The following MECOM variants were observed in gnomAD, a reference collection of about 807,000 sequenced individuals.
The protein encoded by MECOM is MDS1 and EVI1 complex locus.
MECOM carries 13 observed loss-of-function variants against 116.3 expected under a neutral mutation model. The observed-to-expected ratio is 0.11, with a 90% CI of 0.07 to 0.18. The LOEUF (loss-of-function observed/expected upper bound fraction) is 0.18. Ranked by LOEUF, MECOM falls within the 10% of genes least tolerant of loss-of-function variation. The probability of loss-of-function intolerance (pLI) is 1.00; values close to 1 mark genes in which losing one functional copy is unlikely to be tolerated. For synonymous variants in MECOM, 528 were observed against 535.2 expected (o/e 0.99, Z 0.19); for missense variants, 1,299 against 1,509.0 (o/e 0.86, Z 2.31).
intron 2 of MECOM, among the ~76,000 whole-genome samples, chr3:169,226,688 A>G (rs1485625662): frequency 6.6e-6 from 1 of 152,206 alleles, no homozygotes; most frequent in Admixed American, 6.5e-5. Context: ...TCTTTGTTCA[A>G]GAGATTATAA....
In MECOM at chr3:169,604,950, C is replaced by G. The variant is rs536871139; in HGVS notation, c.37+58386G>C. The stretch of plus-strand genomic sequence containing the variant: ...ATCGCAGCATGAATCCTATTTAAGA[C>G]AGAATGAAATTAGTATCTCTTTCTG... On this transcript the variant is annotated intron_variant, in intron 1 of 16. Coordinates refer to ENST00000651503, the MANE Select transcript of MECOM (RefSeq NM_004991.4). 3.3e-5 allele frequency among the ~76,000 whole-genome samples: 5 copies of G among 152,240 alleles called. No homozygotes were observed. The South Asian group carries it at 1.0e-3, about 32-fold the overall frequency.
At chr3:169,343,065 A>C (rs1026787168) in intron 2 of MECOM, among the ~76,000 whole-genome samples, 1 of 152,164 alleles carries the variant, frequency 6.6e-6, no homozygotes, top group African/African-American at 2.4e-5. Context: ...AACGGGTATG[A>C]AAATGGGCAA....
chr3:169,448,576 T>C (rs933513967), intron 1 of MECOM, among the ~76,000 whole-genome samples: 5 of 152,172 alleles, frequency 3.3e-5, no homozygotes, highest in African/African-American at 1.2e-4. Flanking sequence ...CCACATTATC[T>C]TTAATCAAAT....
chr3:169,115,309 AG>A, intron 8 of MECOM, 73 bp downstream of exon 8: 1 of 1,452,628 alleles, frequency 6.9e-7, no homozygotes, highest in South Asian at 1.4e-5. Context: ...TGTGTTAAAA[AG>A]CCATCACTTT....
chr3:169,266,469 G>T (rs1052319245), intron 2 of MECOM, among the ~76,000 whole-genome samples: 1 of 152,142 alleles, frequency 6.6e-6, no homozygotes, highest in East Asian at 1.9e-4. Flanking sequence ...AATGATTTTT[G>T]TTGTCATCTA....
intron 2 of MECOM, among the ~76,000 whole-genome samples, chr3:169,321,211 T>C (rs1175641599): frequency 2.6e-5 from 4 of 152,132 alleles, no homozygotes; most frequent in Non-Finnish European, 5.9e-5. Flanking sequence ...AAAAGTAAAT[T>C]GTGAAATGCT....
At position 169,116,082 on chromosome 3, in the gene MECOM, G is replaced by A. The variant is rs745981639; in HGVS notation, c.1790C>T (p.Ser597Leu). The A allele has an allele frequency of 7.4e-6, 12 of 1,614,056 alleles. No homozygotes were observed. The highest frequency in any genetic ancestry group is 1.7e-5 in the Admixed American group (1 of 60,008). ...TPSGSDLETT[S>L]GSDLESDIES... is the part of the protein sequence containing the mutation. ...AATGTCACTTTCCAGATCAGAGCCC[G>A]AGGTTGTTTCCAGGTCACTGCCACT... is the stretch of plus-strand genomic sequence containing the variant. Residue 597 changes from serine (S) to leucine (L), a missense_variant, in exon 8 of 17, where the codon TCG becomes TTG. Ser to Leu is a moderately radical substitution (Grantham distance 145). Transcript: ENST00000651503.
intron 3 of MECOM, chr3:169,131,894 G>A (rs1290057088): frequency 4.4e-5 from 45 of 1,013,122 alleles, no homozygotes; most frequent in Non-Finnish European, 5.2e-5. Flanking sequence ...TACTCACAGA[G>A]TTGAATCCTG....
intron 2 of MECOM, among the ~76,000 whole-genome samples, chr3:169,228,884 C>A (rs1374619507): frequency 6.6e-6 from 1 of 152,158 alleles, no homozygotes; most frequent in Non-Finnish European, 1.5e-5. Context: ...CCTTTTAAAT[C>A]CCAAATTGGG....
chr3:169,203,642 A>C lies in MECOM; in HGVS notation c.376-59810T>G, dbSNP rs1215448058. ...TAAAAGAAATTTGCCAGACATAGAG[A>C]ATAAATAGGACAAGCCTATTTAAAT... On this transcript the variant is annotated intron_variant, in intron 2 of 16. Transcript: ENST00000651503. 5.3e-5 allele frequency among the ~76,000 whole-genome samples: 8 copies of C among 152,298 alleles called. No individual in the cohort carries two copies. The East Asian group carries it at 1.5e-3, about 29-fold the overall frequency.
chr3:169,364,343 T>G (rs1728811331), intron 2 of MECOM, among the ~76,000 whole-genome samples: 1 of 152,046 alleles, frequency 6.6e-6, no homozygotes, highest in East Asian at 1.9e-4. Flanking sequence ...TACTGCCTCA[T>G]GTTTGGAAAC....
intron 1 of MECOM, among the ~76,000 whole-genome samples, chr3:169,392,798 T>C (rs1400494897): frequency 6.6e-6 from 1 of 152,176 alleles, no homozygotes; most frequent in Admixed American, 6.6e-5. Context: ...TAAAGAAACC[T>C]CTTATTTTGA....
At chr3:169,115,030 G>A (rs1335094924) in intron 8 of MECOM, among the ~76,000 whole-genome samples, 1 of 151,918 alleles carries the variant, frequency 6.6e-6, no homozygotes, top group Non-Finnish European at 1.5e-5. Context: ...AAGTACCCAC[G>A]CATATTTGCA....
At chr3:169,230,568 A>G (rs973195704) in intron 2 of MECOM, among the ~76,000 whole-genome samples, 8 of 152,160 alleles carry the variant, frequency 5.3e-5, no homozygotes, top group Non-Finnish European at 1.2e-4. Flanking sequence ...CTCTAAAGTA[A>G]GTTTTCTCCT....
intron 2 of MECOM, among the ~76,000 whole-genome samples, chr3:169,376,105 A>T (rs1025001094): frequency 2.6e-5 from 4 of 152,186 alleles, no homozygotes; most frequent in East Asian, 3.9e-4. Context: ...AGATGCAAAA[A>T]AGGCCTTGGA....
At chr3:169,091,751 A>G (rs1719792730) in intron 14 of MECOM, among the ~76,000 whole-genome samples, 1 of 151,942 alleles carries the variant, frequency 6.6e-6, no homozygotes, top group Non-Finnish European at 1.5e-5. Context: ...TCTTTGATAC[A>G]CTTTTATACA....
At chr3:169,223,311 T>G (rs9865579) in intron 2 of MECOM, among the ~76,000 whole-genome samples, 86,722 of 115,406 alleles carry the variant, frequency 0.75, 32,353 homozygotes, top group Middle Eastern at 0.81. Flanking sequence ...ACAGGCCCCA[T>G]TGTGTGATGT....
intron 1 of MECOM, among the ~76,000 whole-genome samples, chr3:169,584,561 C>T (rs1438909510): frequency 5.8e-4 from 45 of 77,144 alleles, no homozygotes; most frequent in Non-Finnish European, 8.5e-4. Flanking sequence ...CGAAACTCCA[C>T]CTCAAAAAAA....
At chr3:169,431,527 A>G (rs923167720) in intron 1 of MECOM, among the ~76,000 whole-genome samples, 1 of 152,160 alleles carries the variant, frequency 6.6e-6, no homozygotes, top group African/African-American at 2.4e-5. Flanking sequence ...TACCACAAGA[A>G]AAAAAAGCCC....
Sources: gnomAD v4.1 joint callset for allele counts (sites outside exome capture counted in the v4.1 genomes callset) on GRCh38, gnomAD v4.1.1 for gene constraint, MANE v1.5 for transcripts, NCBI Gene and HGNC (gene_info 2026-07-23, HGNC 2026-07-21) for gene names.